ZFP91: variants seen among roughly 807,000 people sequenced by gnomAD.
The protein encoded by ZFP91 is E3 ubiquitin-protein ligase ZFP91.
A neutral mutation model predicts 63.5 loss-of-function variants in ZFP91; 7 were observed. That is an observed-to-expected ratio of 0.11 (90% CI 0.06 to 0.21). The LOEUF (loss-of-function observed/expected upper bound fraction) is 0.21. Ranked by LOEUF, ZFP91 falls within the 10% of genes least tolerant of loss-of-function variation. The pLI is 1.00. For synonymous variants in ZFP91, 330 were observed against 272.1 expected (o/e 1.21, Z -2.10); for missense variants, 628 against 736.6 (o/e 0.85, Z 1.71).
At chr11:58,612,470 C>A in intron 7 of ZFP91, 142 bp downstream of exon 7, 1 of 739,082 alleles carries the variant, frequency 1.4e-6, no homozygotes, top group Non-Finnish European at 2.2e-6. Flanking sequence ...CCTAGATGCA[C>A]AGGTGTTATG....
intron 1 of ZFP91, among the ~76,000 whole-genome samples, 170 bp from the exon 2 acceptor site, chr11:58,584,686 C>T (rs962406783): frequency 6.6e-6 from 1 of 152,112 alleles, no homozygotes; most frequent in Non-Finnish European, 1.5e-5. Flanking sequence ...CCACATGTGA[C>T]TGCCATATTG....
At chr11:58,582,595 A>G (rs555722231) in intron 1 of ZFP91, among the ~76,000 whole-genome samples, 3 of 152,336 alleles carry the variant, frequency 2.0e-5, no homozygotes, top group Admixed American at 2.0e-4. Context: ...TCCCATTGGA[A>G]GGCAAAATAA....
intron 2 of ZFP91, among the ~76,000 whole-genome samples, chr11:58,592,101 T>G (rs1855317424): frequency 7.2e-6 from 1 of 138,006 alleles, no homozygotes; most frequent in Non-Finnish European, 1.6e-5. Context: ...TTTTTTTTTT[T>G]GGAGACTGAA....
intron 2 of ZFP91, among the ~76,000 whole-genome samples, chr11:58,594,378 G>A (rs1405507462): frequency 6.6e-6 from 1 of 152,068 alleles, no homozygotes; most frequent in East Asian, 1.9e-4. Flanking sequence ...CTAATTCTTA[G>A]CTATAGAGAT....
chr11:58,614,292 C>A lies in ZFP91; in HGVS notation c.1051C>A (p.Arg351=). 6.2e-7 allele frequency: 1 copy of A among 1,612,098 alleles called. No homozygotes were observed. Among genetic ancestry groups the A allele is most frequent in the Non-Finnish European group, 8.5e-7 (1 of 1,178,934 alleles). Residue 351 remains arginine, a synonymous_variant, in exon 9 of 11, where the codon CGA becomes AGA. Coordinates refer to ENST00000316059, the MANE Select transcript of ZFP91 (RefSeq NM_053023.5). ...KYVCPHPSCG[R]LFRLQKQLLR... Reference sequence around the variant, plus strand: ...TGTATGTCCCCATCCCTCCTGTGGACGACTCTTCAGGCTTCAGAAGCAACT... The same window carrying A: ...TGTATGTCCCCATCCCTCCTGTGGAAGACTCTTCAGGCTTCAGAAGCAACT...
chr11:58,581,326 G>T (rs1028462011), intron 1 of ZFP91, among the ~76,000 whole-genome samples: 7 of 152,060 alleles, frequency 4.6e-5, no homozygotes, highest in African/African-American at 1.7e-4. Context: ...TATATCTCAA[G>T]ATAAGATAAT....
chr11:58,611,808 T>C, intron 6 of ZFP91, 70 bp downstream of exon 6: 2 of 1,523,016 alleles, frequency 1.3e-6, no homozygotes, highest in Non-Finnish European at 1.8e-6. Flanking sequence ...AGAGTGGGAG[T>C]GTGAGGAAGG....
rs1855831568 is a variant in ZFP91, at chr11:58,620,534, T to C, written c.*2828T>C. The C allele has an allele frequency of 3.3e-5, 5 of 152,788 alleles. No individual in the cohort carries two copies. Among genetic ancestry groups the C allele is most frequent in the African/African-American group, 1.2e-4 (5 of 41,586 alleles). The allele number at this position is 152,788 out of a possible 1,614,324, so 9.5% of individuals were successfully genotyped here. A position where few individuals can be genotyped will look rare whatever the true frequency, so the allele number is the denominator to read the frequency against. On this transcript the variant is annotated 3_prime_UTR_variant, in exon 11 of 11. Coordinates refer to ENST00000316059, the MANE Select transcript of ZFP91 (RefSeq NM_053023.5). ...GTTGCCCAAGGTTGTTTTGCGTAAC[T>C]GAGACTCCTTGATATGCTTCAGAGA... is the stretch of plus-strand genomic sequence containing the variant.
At chr11:58,613,149 A>C (rs1045412121) in intron 8 of ZFP91, among the ~76,000 whole-genome samples, 2 of 152,144 alleles carry the variant, frequency 1.3e-5, no homozygotes, top group African/African-American at 4.8e-5. Context: ...TTGTGCTGCT[A>C]TAATAGAGTA....
rs111492255 is a variant in ZFP91, at chr11:58,618,066, T to G, written c.*360T>G. 1 of 187,352 alleles carries G rather than the reference T, an allele frequency of 5.3e-6. No homozygotes were observed. The allele number at this position is 187,352 out of a possible 1,614,324, so 11.6% of individuals were successfully genotyped here. On this transcript the variant is annotated 3_prime_UTR_variant, in exon 11 of 11. Transcript: ENST00000316059. ...ACTCTGATGTGCTCTGGATCAGCTT[T>G]TAACTTTTAATCATATATTACTGTC...
Position 58,598,091 on chromosome 11 carries a change from G to C in ZFP91, c.371-11739G>C, listed in dbSNP as rs116083840. Among the ~76,000 whole-genome samples the C allele has an allele frequency of 7.1e-3, 1,088 of 152,250 alleles. 10 individuals carry two copies. The highest frequency in any genetic ancestry group is 0.02 in the Middle Eastern group (6 of 294). On this transcript the variant is annotated intron_variant, in intron 2 of 10. Transcript: ENST00000316059. The stretch of plus-strand genomic sequence containing the variant: ...AGCTGAGCTTGCTGCAATAGCAACA[G>C]GAGATAGCTATGAAATTATTATGTA...
intron 2 of ZFP91, among the ~76,000 whole-genome samples, chr11:58,590,580 C>G (rs1288731218): frequency 1.3e-5 from 2 of 152,088 alleles, no homozygotes; most frequent in Non-Finnish European, 2.9e-5. Flanking sequence ...GTCATAAAAT[C>G]AAAATAAAAT....
At position 58,618,348 on chromosome 11, in the gene ZFP91, G is replaced by A. The variant is rs1398018756; in HGVS notation, c.*642G>A. ...CCCCTTCTTTGATCCCAGCATCTCA[G>A]TCCCCCTCCCAACCCTCCATATGGC... On this transcript the variant is annotated 3_prime_UTR_variant, in exon 11 of 11. Transcript: ENST00000316059. 3.4e-5 allele frequency: 7 copies of A among 205,440 alleles called. No homozygotes were observed. In the South Asian group the frequency reaches 4.3e-4, roughly 13 times the overall value. 12.7% of individuals were successfully genotyped at this position (205,440 alleles called of 1,614,324 possible).
At position 58,621,196 on chromosome 11, in the gene ZFP91, T is replaced by G. The variant is rs1449369238; in HGVS notation, c.*3490T>G. On this transcript the variant is annotated 3_prime_UTR_variant, in exon 11 of 11. Coordinates refer to ENST00000316059, the MANE Select transcript of ZFP91 (RefSeq NM_053023.5). ...GAATCAGGTGGTTAATTTTTGACTG[T>G]TCTTGATTTCTAATGCTGAAATGAC... Among the ~76,000 whole-genome samples, 3 of 152,214 alleles carry G rather than the reference T, an allele frequency of 2.0e-5. No individual in the cohort carries two copies. The highest frequency in any genetic ancestry group is 4.4e-5 in the Non-Finnish European group (3 of 68,044).
chr11:58,617,189 T>C lies in ZFP91; in HGVS notation c.1203-7T>C, dbSNP rs368883912. ...GGATCAGCCATTTCCTTTTCTCCTCTCCTTAGATGTGAGATCTGTGGATTT... is the reference window on the plus strand; with the variant it reads ...GGATCAGCCATTTCCTTTTCTCCTCCCCTTAGATGTGAGATCTGTGGATTT... On this transcript the variant is annotated splice_polypyrimidine_tract_variant and splice_region_variant and intron_variant, in intron 10 of 10. Transcript: ENST00000316059. This position sits in a 1 kb window ranked among gnomAD's most constrained non-coding sequence, Gnocchi z 4.2. The C allele has an allele frequency of 2.6e-6, 4 of 1,560,134 alleles. No homozygotes were observed. Among genetic ancestry groups the C allele is most frequent in the Non-Finnish European group, 3.5e-6 (4 of 1,156,886 alleles).
Position 58,617,846 on chromosome 11 carries a change from A to T in ZFP91, c.*140A>T. On this transcript the variant is annotated 3_prime_UTR_variant, in exon 11 of 11. Coordinates refer to ENST00000316059, the MANE Select transcript of ZFP91 (RefSeq NM_053023.5). The surrounding 1 kb of genome is among the most constrained non-coding windows in gnomAD (Gnocchi z 4.2). Reference sequence around the variant, plus strand: ...CTTTCCATTGTGGATCACAGCACACACATACATACACCCTCCACCTCCCCA... The same window carrying T: ...CTTTCCATTGTGGATCACAGCACACTCATACATACACCCTCCACCTCCCCA... 1 of 1,124,696 alleles carries T rather than the reference A, an allele frequency of 8.9e-7. No homozygotes were observed. Among genetic ancestry groups the T allele is most frequent in the Non-Finnish European group, 1.2e-6 (1 of 856,592 alleles). The allele number at this position is 1,124,696 out of a possible 1,614,324, so 69.7% of individuals were successfully genotyped here.
At chr11:58,587,477 C>T (rs1398620874) in intron 2 of ZFP91, among the ~76,000 whole-genome samples, 1 of 152,172 alleles carries the variant, frequency 6.6e-6, no homozygotes, top group Non-Finnish European at 1.5e-5. Flanking sequence ...GGACAAGGAA[C>T]ATTCCACACA....
intron 3 of ZFP91, 28 bp downstream of exon 3, chr11:58,610,067 T>A: frequency 1.2e-6 from 2 of 1,605,458 alleles, no homozygotes; most frequent in Non-Finnish European, 8.5e-7. Flanking sequence ...TATGGCTGTT[T>A]ACTAACTAGT....
At chr11:58,610,543 G>A (rs529204848) in intron 4 of ZFP91, among the ~76,000 whole-genome samples, 1 of 152,276 alleles carries the variant, frequency 6.6e-6, no homozygotes, top group African/African-American at 2.4e-5. Context: ...CATGTCTTGA[G>A]TATCTTCTGT....
Sources: gnomAD v4.1 joint callset for allele counts (sites outside exome capture counted in the v4.1 genomes callset) on GRCh38, gnomAD v4.1.1 for gene constraint, Gnocchi (gnomAD v3.1) non-coding constraint, MANE v1.5 for transcripts, NCBI Gene and HGNC (gene_info 2026-07-23, HGNC 2026-07-21) for gene names.